LAMA2: variants seen among roughly 807,000 people sequenced by gnomAD.
LAMA2 encodes laminin subunit alpha-2.
A neutral mutation model predicts 364.8 loss-of-function variants in LAMA2; 269 were observed. That is an observed-to-expected ratio of 0.74 (90% CI 0.67 to 0.82). The LOEUF is 0.82. LAMA2 is among the 40% of genes least tolerant of loss of function. The pLI is 0.00. For synonymous variants in LAMA2, 1,379 were observed against 1,370.6 expected (o/e 1.01, Z -0.14); for missense variants, 3,807 against 3,873.2 (o/e 0.98, Z 0.45).
At position 128,998,513 on chromosome 6, in the gene LAMA2, G is replaced by T. The variant is rs1482894581; in HGVS notation, c.113-51405G>T. Among the ~76,000 whole-genome samples, 16 of 109,414 alleles carry T rather than the reference G, an allele frequency of 1.5e-4. 1 individual carries two copies. The highest frequency in any genetic ancestry group is 1.3e-3 in the Admixed American group (16 of 12,142). The allele number at this position is 109,414 out of a possible 152,430, so 71.8% of individuals were successfully genotyped here. On this transcript the variant is annotated intron_variant, in intron 1 of 64. Transcript: ENST00000421865. The stretch of plus-strand genomic sequence containing the variant: ...GGGTTCATCTCACTAGGGAGTGCCA[G>T]ACAGTGGGCGCAGGCCAGTGTGTGT...
intron 1 of LAMA2, among the ~76,000 whole-genome samples, chr6:128,941,163 C>T (rs9375603): frequency 2.0e-5 from 3 of 152,040 alleles, no homozygotes; most frequent in African/African-American, 7.3e-5. Flanking sequence ...ATAAAATAAG[C>T]CTTGCTGGAG....
rs138028250 is a variant in LAMA2, at chr6:128,993,612, G to A, written c.113-56306G>A. Reference sequence around the variant, plus strand: ...ATATGCATTTTTATGGTTGACAGTCGTGGTATATGAGAGAAAATATGTAGC... The same window carrying A: ...ATATGCATTTTTATGGTTGACAGTCATGGTATATGAGAGAAAATATGTAGC... On this transcript the variant is annotated intron_variant, in intron 1 of 64. Coordinates refer to ENST00000421865, the MANE Select transcript of LAMA2 (RefSeq NM_000426.4). 1.5e-3 allele frequency among the ~76,000 whole-genome samples: 230 copies of A among 152,114 alleles called. 2 individuals carry two copies. In the East Asian group the frequency reaches 0.025, roughly 17 times the overall value.
At chr6:129,409,613 C>T (rs965496708) in intron 40 of LAMA2, among the ~76,000 whole-genome samples, 31 of 152,186 alleles carry the variant, frequency 2.0e-4, no homozygotes, top group African/African-American at 7.0e-4. Flanking sequence ...CAAGAGTTGT[C>T]TCTCAAATGG....
intron 14 of LAMA2, among the ~76,000 whole-genome samples, chr6:129,256,575 A>G (rs563732331): frequency 6.6e-6 from 1 of 151,798 alleles, no homozygotes; most frequent in African/African-American, 2.4e-5. Flanking sequence ...GTGCAGAAGA[A>G]GTGTGCGCAG....
chr6:129,240,680 C>T lies in LAMA2; in HGVS notation c.1783-9432C>T, dbSNP rs190015061. ...CTAGCTATGACTGCTCCTGGATCGC[C>T]GTTTCCTTTAATCTATACACTATGT... On this transcript the variant is annotated intron_variant, in intron 12 of 64. Transcript: ENST00000421865. 2.8e-4 allele frequency among the ~76,000 whole-genome samples: 42 copies of T among 152,198 alleles called. 1 individual carries two copies. Among genetic ancestry groups the T allele is most frequent in the East Asian group, 2.3e-3 (12 of 5,172 alleles).
intron 52 of LAMA2, among the ~76,000 whole-genome samples, chr6:129,474,407 C>A (rs1783967024): frequency 6.6e-6 from 1 of 152,066 alleles, no homozygotes; most frequent in South Asian, 2.1e-4. Context: ...GCTCTGCATT[C>A]ATTGTAATGT....
At chr6:128,897,108 G>A (rs950808266) in intron 1 of LAMA2, among the ~76,000 whole-genome samples, 22 of 152,206 alleles carry the variant, frequency 1.4e-4, no homozygotes, top group African/African-American at 3.4e-4. Context: ...TTGGACCTAG[G>A]TAGTTCTACT....
intron 4 of LAMA2, among the ~76,000 whole-genome samples, chr6:129,117,604 C>T (rs545121666): frequency 2.0e-5 from 3 of 152,248 alleles, no homozygotes; most frequent in South Asian, 2.1e-4. Flanking sequence ...AGAGGCGGCC[C>T]GTTGCCACAC....
intron 34 of LAMA2, among the ~76,000 whole-genome samples, chr6:129,377,699 A>C (rs2114643228): frequency 6.6e-6 from 1 of 152,354 alleles, no homozygotes; most frequent in South Asian, 2.1e-4. Flanking sequence ...AAAGGTAGAC[A>C]GTATCTAAGC....
chr6:129,238,555 ATGTG>A lies in LAMA2; in HGVS notation c.1783-11538_1783-11535del, dbSNP rs10556188. Among the ~76,000 whole-genome samples, 343 of 146,682 alleles carry A rather than the reference ATGTG, an allele frequency of 2.3e-3. 2 individuals carry two copies. Among genetic ancestry groups the A allele is most frequent in the African/African-American group, 8.5e-3 (334 of 39,158 alleles). ...TCACATGAAACCACTGAGCGTGTTC[ATGTG>A]TGTGTGTGTGTGTGTGTGAGAGAGA... On this transcript the variant is annotated intron_variant, in intron 12 of 64. Coordinates refer to ENST00000421865, the MANE Select transcript of LAMA2 (RefSeq NM_000426.4).
At chr6:129,468,866 T>C (rs1562592201) in intron 51 of LAMA2, among the ~76,000 whole-genome samples, 1 of 151,844 alleles carries the variant, frequency 6.6e-6, no homozygotes, top group Non-Finnish European at 1.5e-5. Flanking sequence ...AATTACTGTA[T>C]CTGTTTAGGA....
At chr6:129,163,624 C>T (rs1048077732) in intron 8 of LAMA2, among the ~76,000 whole-genome samples, 1 of 152,092 alleles carries the variant, frequency 6.6e-6, no homozygotes, top group Non-Finnish European at 1.5e-5. Flanking sequence ...GAGAGCGAGA[C>T]CCTATCTCAA....
intron 6 of LAMA2, among the ~76,000 whole-genome samples, chr6:129,148,033 A>G (rs1778572339): frequency 6.6e-6 from 1 of 152,054 alleles, no homozygotes; most frequent in Non-Finnish European, 1.5e-5. Context: ...CTATCAACCC[A>G]TCACCTAGGC....
At chr6:129,279,414 A>G (rs889768239) in intron 17 of LAMA2, among the ~76,000 whole-genome samples, 1 of 152,168 alleles carries the variant, frequency 6.6e-6, no homozygotes, top group Non-Finnish European at 1.5e-5. Context: ...CAAAGAGAGA[A>G]GTGAATTTTG....
chr6:129,142,295 G>C (rs913476526), intron 4 of LAMA2, among the ~76,000 whole-genome samples: 1 of 152,004 alleles, frequency 6.6e-6, no homozygotes, highest in Non-Finnish European at 1.5e-5. Context: ...GAAAATCTGA[G>C]ATCAGGGTGT....
intron 1 of LAMA2, among the ~76,000 whole-genome samples, chr6:128,994,219 T>C (rs1277620184): frequency 1.3e-5 from 2 of 152,244 alleles, no homozygotes; most frequent in Non-Finnish European, 2.9e-5. Context: ...AAGGAGGATT[T>C]GAAGTATTTG....
intron 56 of LAMA2, among the ~76,000 whole-genome samples, chr6:129,489,238 T>C (rs1169478231): frequency 1.3e-5 from 2 of 152,206 alleles, no homozygotes; most frequent in African/African-American, 4.8e-5. Context: ...AATGATAGCT[T>C]TAATACCGCC....
At chr6:128,905,140 CTATAT>C (rs1365917045) in intron 1 of LAMA2, among the ~76,000 whole-genome samples, 13 of 152,032 alleles carry the variant, frequency 8.6e-5, no homozygotes, top group African/African-American at 2.9e-4. Context: ...TCATAGTTTC[CTATAT>C]TATAACTGCT....
At chr6:129,457,485 A>G (rs1583797805) in intron 48 of LAMA2, among the ~76,000 whole-genome samples, 1 of 152,060 alleles carries the variant, frequency 6.6e-6, no homozygotes, top group East Asian at 1.9e-4. Flanking sequence ...CTAAAATATA[A>G]CCTTAGACAA....
Sources: gnomAD v4.1 joint callset for allele counts (sites outside exome capture counted in the v4.1 genomes callset) on GRCh38, gnomAD v4.1.1 for gene constraint, MANE v1.5 for transcripts, NCBI Gene and HGNC (gene_info 2026-07-23, HGNC 2026-07-21) for gene names.